R3HDM1: variants seen among roughly 807,000 people sequenced by gnomAD.
R3HDM1 encodes R3H domain containing 1, also known as R3H domain-containing protein 1.
Under a neutral mutation model 141.1 loss-of-function variants are expected in R3HDM1, and 46 were observed. The observed-to-expected ratio is 0.33, with a 90% CI of 0.26 to 0.42. R3HDM1 has a LOEUF of 0.42. R3HDM1 is among the 10% of genes least tolerant of loss of function. The pLI, the probability that R3HDM1 is intolerant of heterozygous loss-of-function variation, is 1.00. For synonymous variants in R3HDM1, 435 were observed against 472.9 expected (o/e 0.92, Z 1.04); for missense variants, 1,184 against 1,368.3 (o/e 0.87, Z 2.12).
At chr2:135,699,059 A>T (rs1404500512) in intron 21 of R3HDM1, among the ~76,000 whole-genome samples, 1 of 123,888 alleles carries the variant, frequency 8.1e-6, no homozygotes, top group African/African-American at 2.7e-5. Flanking sequence ...TAGATAAGAT[A>T]GATTGATTAG....
intron 1 of R3HDM1, 75 bp downstream of exon 1, chr2:135,531,708 C>G (rs1445701191): frequency 8.1e-6 from 8 of 985,930 alleles, no homozygotes; most frequent in African/African-American, 1.7e-5. Context: ...CGCCCGCCAA[C>G]CGGTAGCGCT....
intron 3 of R3HDM1, among the ~76,000 whole-genome samples, chr2:135,614,816 T>TC (rs1469967302): frequency 7.3e-6 from 1 of 137,052 alleles, no homozygotes; most frequent in Non-Finnish European, 1.5e-5. Flanking sequence ...TTTCTCTCTC[T>TC]TTTTTTTTTC....
At chr2:135,579,436 A>G (rs751553852) in intron 1 of R3HDM1, among the ~76,000 whole-genome samples, 1 of 152,222 alleles carries the variant, frequency 6.6e-6, no homozygotes, top group Non-Finnish European at 1.5e-5. Context: ...AATAAAAACC[A>G]TCATTAGGCA....
intron 1 of R3HDM1, chr2:135,581,216 C>A (rs1011051449): frequency 4.8e-5 from 47 of 985,120 alleles, no homozygotes; most frequent in Non-Finnish European, 5.1e-5. Context: ...AGGATGGAGC[C>A]CAGAGATACT....
Position 135,633,979 on chromosome 2 carries a change from A to C in R3HDM1, c.699-1911A>C, listed in dbSNP as rs111788584. Among the ~76,000 whole-genome samples the C allele has an allele frequency of 1.4e-3, 206 of 152,340 alleles. 2 individuals are homozygous for C. Among genetic ancestry groups the C allele is most frequent in the African/African-American group, 4.4e-3 (181 of 41,588 alleles). On this transcript the variant is annotated intron_variant, in intron 9 of 26. Coordinates refer to ENST00000683871, the MANE Select transcript of R3HDM1 (RefSeq NM_001378107.1). ...CGTTCAAATATAAACTCCATGAATA[A>C]GAAAATGTGACTTTGAACAGTTACA...
chr2:135,659,497 G>T (rs2105302277), intron 18 of R3HDM1, among the ~76,000 whole-genome samples: 1 of 151,830 alleles, frequency 6.6e-6, no homozygotes, highest in Middle Eastern at 3.4e-3. Context: ...GAGTGCAGTG[G>T]TGCAATCACT....
chr2:135,657,410 CAA>C (rs11334528), intron 18 of R3HDM1, among the ~76,000 whole-genome samples: 30 of 73,840 alleles, frequency 4.1e-4, no homozygotes, highest in Non-Finnish European at 5.4e-4. Flanking sequence ...TACTCTGTCT[CAA>C]AAAAAAAAAA....
rs145573563 is a variant in R3HDM1 at position 135,666,400 on chromosome 2, A to G, written c.2152+5007A>G. The stretch of plus-strand genomic sequence containing the variant: ...AAATTACTAGGTAGTGGCTCTGGCT[A>G]TTCTTGTTTTTTCATTGATTTCTGT... On this transcript the variant is annotated intron_variant, in intron 19 of 26. Coordinates refer to ENST00000683871, the MANE Select transcript of R3HDM1 (RefSeq NM_001378107.1). Among the ~76,000 whole-genome samples the G allele has an allele frequency of 8.4e-3, 1,274 of 152,246 alleles. 7 individuals are homozygous for G. Among genetic ancestry groups the G allele is most frequent in the Non-Finnish European group, 0.012 (840 of 67,998 alleles).
In R3HDM1 at chr2:135,710,146, C is replaced by T. The variant is rs145608320; in HGVS notation, c.2651C>T (p.Pro884Leu). The change falls in exon 23 of 27, where the codon CCG (proline) becomes CTG (leucine). Residue 884 changes from proline to leucine, a missense_variant. Pro to Leu is a moderately conservative substitution (Grantham distance 98, BLOSUM62 -3). Around this residue, in one of 5 missense-constraint regions of R3HDM1, gnomAD observed 563 missense variants for 562.0 expected, o/e 1.00. Coordinates refer to ENST00000683871, the MANE Select transcript of R3HDM1 (RefSeq NM_001378107.1). Reference sequence around the variant, plus strand: ...CCACAATCTTGTGCCCACTCACCCCCGCAGTGGAAACAAAACAAATATTAC... The same window carrying T: ...CCACAATCTTGTGCCCACTCACCCCTGCAGTGGAAACAAAACAAATATTAC... ...NNPQSCAHSPPQWKQNKYYCD... is the reference protein window; with the variant it reads ...NNPQSCAHSPLQWKQNKYYCD... 11 of 1,613,822 alleles carry T rather than the reference C, an allele frequency of 6.8e-6. No homozygotes were observed. Among genetic ancestry groups the T allele is most frequent in the African/African-American group, 2.7e-5 (2 of 74,882 alleles).
At chr2:135,585,337 G>A (rs540421900) in intron 1 of R3HDM1, among the ~76,000 whole-genome samples, 16 of 152,150 alleles carry the variant, frequency 1.1e-4, no homozygotes, top group Non-Finnish European at 1.5e-4. Flanking sequence ...TTATTAATCC[G>A]TAAGGTTGTG....
At chr2:135,607,396 C>T (rs939549046) in intron 3 of R3HDM1, 1 of 933,884 alleles carries the variant, frequency 1.1e-6, no homozygotes, top group Middle Eastern at 5.5e-4. Context: ...ATTCCTCCAG[C>T]TATAAAAAAA....
chr2:135,588,861 C>G (rs1708558942), intron 1 of R3HDM1, among the ~76,000 whole-genome samples: 1 of 151,758 alleles, frequency 6.6e-6, no homozygotes, highest in African/African-American at 2.4e-5. Context: ...TTTTTTATAC[C>G]ATCTGTATTT....
intron 21 of R3HDM1, among the ~76,000 whole-genome samples, chr2:135,681,723 C>T (rs1328458795): frequency 3.3e-5 from 5 of 152,086 alleles, no homozygotes; most frequent in Non-Finnish European, 5.9e-5. Context: ...CTGTGCAGGC[C>T]TAGTTAAAGG....
Position 135,709,536 on chromosome 2 carries a change from G to A in R3HDM1, c.2563G>A (p.Ala855Thr), listed in dbSNP as rs144042865. 5 of 1,613,506 alleles carry A rather than the reference G, an allele frequency of 3.1e-6. No homozygotes were observed. The highest frequency in any genetic ancestry group is 4.2e-6 in the Non-Finnish European group (5 of 1,179,744). The change falls in exon 22 of 27, where the codon GCT becomes ACT. Residue 855 changes from alanine (A) to threonine (T), a missense_variant and splice_region_variant. By Grantham distance (58) the Ala-to-Thr change is moderately conservative. Coordinates refer to ENST00000683871, the MANE Select transcript of R3HDM1 (RefSeq NM_001378107.1). ...SQQLQGHQCTAGPPPPPGGGM... is the reference protein window; with the variant it reads ...SQQLQGHQCTTGPPPPPGGGM... ...GCAGCTTCAAGGCCACCAATGTACAGGTATAAAGAAATCAGTGAAAATAAG... is the reference window on the plus strand; with the variant it reads ...GCAGCTTCAAGGCCACCAATGTACAAGTATAAAGAAATCAGTGAAAATAAG...
At chr2:135,566,603 G>A (rs1220282356) in intron 1 of R3HDM1, 1 of 207,250 alleles carries the variant, frequency 4.8e-6, no homozygotes, top group African/African-American at 2.4e-5. Context: ...AAGTTGAGTA[G>A]TGCTTCTGTC....
intron 21 of R3HDM1, among the ~76,000 whole-genome samples, chr2:135,693,950 G>C (rs2072835535): frequency 6.6e-6 from 1 of 152,064 alleles, no homozygotes; most frequent in African/African-American, 2.4e-5. Context: ...GTTGCAGTGA[G>C]CCAAGATCAC....
intron 7 of R3HDM1, among the ~76,000 whole-genome samples, chr2:135,625,998 G>T (rs922647829): frequency 6.6e-6 from 1 of 152,198 alleles, no homozygotes; most frequent in Non-Finnish European, 1.5e-5. Flanking sequence ...CAGGGGTCAT[G>T]GGAACCCCAA....
chr2:135,708,353 G>T (rs968449242), intron 21 of R3HDM1, among the ~76,000 whole-genome samples: 5 of 151,992 alleles, frequency 3.3e-5, no homozygotes, highest in Non-Finnish European at 7.4e-5. Context: ...GGATTTTACC[G>T]ATTGCGTCAT....
intron 6 of R3HDM1, 118 bp downstream of exon 6, chr2:135,621,726 G>T: frequency 7.5e-7 from 1 of 1,332,292 alleles, no homozygotes; most frequent in South Asian, 2.3e-5. Context: ...GAACAGACTG[G>T]AAGGATGATA....
Sources: allele counts gnomAD v4.1 joint callset (sites outside exome capture counted in the v4.1 genomes callset), GRCh38; gene constraint gnomAD v4.1.1; regional missense constraint gnomAD v4.1.1; transcripts MANE v1.5; gene names NCBI Gene and HGNC (gene_info 2026-07-23, HGNC 2026-07-21).